Variants in LPP observed in about 807,000 individuals in gnomAD.
The protein encoded by LPP is LIM domain containing preferred translocation partner in lipoma.
In LPP, 38 loss-of-function variants were observed where a neutral mutation model predicts 60.4. The ratio of observed to expected loss-of-function variants is 0.63; its 90% CI spans 0.49 to 0.83. The LOEUF (loss-of-function observed/expected upper bound fraction) is 0.83, where lower values mean the gene tolerates loss of function less well. Among genes scored for constraint, LPP ranks in the 40% least tolerant of loss-of-function variants. The pLI is 0.00. For missense variants in LPP, 902 were observed against 783.6 expected (o/e 1.15, Z -1.80); for synonymous variants, 328 against 290.8 (o/e 1.13, Z -1.30).
chr3:188,662,380 A>T (rs1167103871), intron 7 of LPP, among the ~76,000 whole-genome samples: 1 of 152,176 alleles, frequency 6.6e-6, no homozygotes. Flanking sequence ...CATAGATACC[A>T]TGGACTTTGC....
chr3:188,611,709 C>T (rs1843752442), intron 7 of LPP, among the ~76,000 whole-genome samples: 1 of 152,164 alleles, frequency 6.6e-6, no homozygotes, highest in Admixed American at 6.5e-5. Flanking sequence ...CACATAGGAA[C>T]CAGACATGAG....
rs1322712302 is a variant in LPP at position 188,704,042 on chromosome 3, A to G, written c.1114-4225A>G. Among the ~76,000 whole-genome samples, 3 of 152,178 alleles carry G rather than the reference A, an allele frequency of 2.0e-5. No homozygotes were observed. In the East Asian group the frequency reaches 5.8e-4, roughly 29 times the overall value. ...AACAGTCGTTTGGCTTAATTAAAACAACTTGCACCATTATTATTAGAGGTA... is the reference window on the plus strand; with the variant it reads ...AACAGTCGTTTGGCTTAATTAAAACGACTTGCACCATTATTATTAGAGGTA... On this transcript the variant is annotated intron_variant, in intron 7 of 11. Coordinates refer to ENST00000617246, the MANE Select transcript of LPP (RefSeq NM_001375462.1).
At chr3:188,210,167 T>C (rs1245869121) in intron 1 of LPP, among the ~76,000 whole-genome samples, 3 of 152,130 alleles carry the variant, frequency 2.0e-5, no homozygotes, top group Non-Finnish European at 4.4e-5. Flanking sequence ...TCAGGTATTA[T>C]AAGTAATCTA....
chr3:188,379,090 CT>C (rs568105213), intron 3 of LPP, among the ~76,000 whole-genome samples: 67 of 147,080 alleles, frequency 4.6e-4, no homozygotes, highest in South Asian at 1.1e-3. Flanking sequence ...CATTTTCTTT[CT>C]TTTTTTTTTT....
chr3:188,491,254 G>C (rs528492656), intron 5 of LPP, among the ~76,000 whole-genome samples: 4 of 152,214 alleles, frequency 2.6e-5, no homozygotes, highest in Admixed American at 2.0e-4. Context: ...CTGTCTTTCT[G>C]CTGCCGGTTA....
chr3:188,505,183 G>A (rs935625069), intron 5 of LPP, among the ~76,000 whole-genome samples: 34 of 152,276 alleles, frequency 2.2e-4, no homozygotes, highest in African/African-American at 7.7e-4. Flanking sequence ...ATAGATGGTG[G>A]CAGTGCAATC....
chr3:188,376,348 T>G (rs1775081059), intron 3 of LPP, among the ~76,000 whole-genome samples: 1 of 152,046 alleles, frequency 6.6e-6, no homozygotes, highest in Admixed American at 6.6e-5. Context: ...CTAAGTCTCT[T>G]TGTAGGTCAC....
At position 188,555,007 on chromosome 3, in the gene LPP, A is replaced by G. The variant is rs574428028; in HGVS notation, c.429+30220A>G. 5.3e-5 allele frequency among the ~76,000 whole-genome samples: 8 copies of G among 152,250 alleles called. No homozygotes were observed. In the South Asian group the frequency reaches 1.2e-3, roughly 24 times the overall value. The stretch of plus-strand genomic sequence containing the variant: ...AGTGCTTTGGGTTGAGTGGAGCCAT[A>G]GTTGCTATTCTGCACAAAGTGGTTA... On this transcript the variant is annotated intron_variant, in intron 6 of 11. Transcript: ENST00000617246.
At chr3:188,583,639 C>T (rs6800182) in intron 6 of LPP, among the ~76,000 whole-genome samples, 2,749 of 152,216 alleles carry the variant, frequency 0.018, 72 homozygotes, top group African/African-American at 0.064. Context: ...ACCATTGACC[C>T]GGACCGCGTT....
intron 9 of LPP, among the ~76,000 whole-genome samples, chr3:188,770,009 T>C (rs1014253993): frequency 1.3e-5 from 2 of 152,168 alleles, no homozygotes; most frequent in Non-Finnish European, 2.9e-5. Flanking sequence ...CAGGCTACTG[T>C]AATAATGGTT....
intron 9 of LPP, among the ~76,000 whole-genome samples, chr3:188,789,811 CAAAT>C (rs1743112867): frequency 6.6e-6 from 1 of 151,996 alleles, no homozygotes; most frequent in Non-Finnish European, 1.5e-5. Flanking sequence ...ATAAAAATAA[CAAAT>C]GAACCAATGA....
At chr3:188,288,521 C>CA (rs1317431275) in intron 2 of LPP, among the ~76,000 whole-genome samples, 2 of 151,846 alleles carry the variant, frequency 1.3e-5, no homozygotes, top group Non-Finnish European at 2.9e-5. Flanking sequence ...GCATTGCTCC[C>CA]CTTCACGTCG....
chr3:188,181,695 ATTTAT>A (rs941843624), intron 1 of LPP, among the ~76,000 whole-genome samples: 26 of 152,306 alleles, frequency 1.7e-4, no homozygotes, highest in African/African-American at 6.0e-4. Context: ...ATGTTTAAAA[ATTTAT>A]TTAATTTAAT....
chr3:188,480,353 G>A (rs556868750), intron 4 of LPP, among the ~76,000 whole-genome samples: 2 of 152,276 alleles, frequency 1.3e-5, no homozygotes, highest in South Asian at 4.1e-4. Context: ...TGAATGATTT[G>A]GGTTCACATG....
intron 7 of LPP, among the ~76,000 whole-genome samples, chr3:188,614,211 G>C (rs1416592719): frequency 1.3e-5 from 2 of 151,470 alleles, no homozygotes; most frequent in African/African-American, 4.9e-5. Context: ...TTACAGGTGT[G>C]ATCCCACCAT....
intron 8 of LPP, chr3:188,709,346 T>C (rs1042254949): frequency 2.0e-5 from 3 of 151,070 alleles, no homozygotes; most frequent in African/African-American, 7.4e-5. Context: ...CAAATTTTAT[T>C]TTTATTTTAT....
intron 1 of LPP, among the ~76,000 whole-genome samples, chr3:188,223,081 T>C (rs1251190082): frequency 6.6e-6 from 1 of 152,160 alleles, no homozygotes; most frequent in Non-Finnish European, 1.5e-5. Context: ...CAAGGCCAAC[T>C]CCATCATTCC....
intron 4 of LPP, among the ~76,000 whole-genome samples, chr3:188,428,603 T>A (rs1305910806): frequency 3.3e-5 from 5 of 150,332 alleles, no homozygotes; most frequent in South Asian, 2.1e-4. Flanking sequence ...TATATTTTTT[T>A]TTTTTAACAC....
intron 1 of LPP, among the ~76,000 whole-genome samples, chr3:188,213,750 C>G (rs1390308161): frequency 6.6e-6 from 1 of 152,036 alleles, no homozygotes; most frequent in African/African-American, 2.4e-5. Context: ...ATATCTTTCT[C>G]TTTCACGAAA....
Sources: allele counts gnomAD v4.1 joint callset (sites outside exome capture counted in the v4.1 genomes callset), GRCh38; gene constraint gnomAD v4.1.1; transcripts MANE v1.5; gene names NCBI Gene and HGNC (gene_info 2026-07-23, HGNC 2026-07-21).